The following CSMD1 variants were observed in gnomAD, a reference collection of about 807,000 sequenced individuals.
The protein encoded by CSMD1 is CUB and Sushi multiple domains 1.
A neutral mutation model predicts 417.5 loss-of-function variants in CSMD1; 213 were observed. The observed-to-expected ratio is 0.51, with a 90% confidence interval of 0.46 to 0.57. The LOEUF (loss-of-function observed/expected upper bound fraction) is 0.57, where lower values mean the gene tolerates loss of function less well. Ranked by LOEUF, CSMD1 falls within the 20% of genes least tolerant of loss-of-function variation. The probability of loss-of-function intolerance (pLI) is 0.00; values close to 1 mark genes in which losing one functional copy is unlikely to be tolerated. For synonymous variants in CSMD1, 2,862 were observed against 1,736.8 expected, an observed-to-expected ratio of 1.65 and a Z score of -16.11; for missense variants, 6,923 against 4,529.7, an observed-to-expected ratio of 1.53 and a Z score of -15.17.
chr8:4,114,434 G>C (rs1411522773), intron 3 of CSMD1, among the ~76,000 whole-genome samples: 1 of 152,196 alleles, frequency 6.6e-6, no homozygotes, highest in Non-Finnish European at 1.5e-5. Flanking sequence ...AACACAGGTG[G>C]TTACGGAAGA....
chr8:3,712,650 G>A (rs766268333), intron 6 of CSMD1, among the ~76,000 whole-genome samples: 5 of 152,084 alleles, frequency 3.3e-5, no homozygotes, highest in Admixed American at 1.3e-4. Flanking sequence ...CACAATCTTC[G>A]GAGGTGAGCT....
intron 5 of CSMD1, among the ~76,000 whole-genome samples, chr8:3,994,630 A>T (rs1563296313): frequency 6.6e-6 from 1 of 152,146 alleles, no homozygotes; most frequent in African/African-American, 2.4e-5. Flanking sequence ...AGTTAAAAAA[A>T]AAAGTCAGTT....
chr8:4,994,513 C>A lies in CSMD1; in HGVS notation c.-97G>T. ...AATAATCACCCGAGGGCAAGGCGAG[C>A]CGGAGAGAGAGCCCGGTCCCAAGAC... On this transcript the variant is annotated 5_prime_UTR_variant, in exon 1 of 70. Coordinates refer to ENST00000635120, the MANE Select transcript of CSMD1 (RefSeq NM_033225.6). 3 of 1,140,228 alleles carry A rather than the reference C, an allele frequency of 2.6e-6. No homozygotes were observed. Among genetic ancestry groups the A allele is most frequent in the Admixed American group, 2.0e-5 (1 of 49,890 alleles). The allele number at this position is 1,140,228 out of a possible 1,614,324, so 70.6% of individuals were successfully genotyped here.
intron 12 of CSMD1, among the ~76,000 whole-genome samples, chr8:3,413,680 C>G (rs1221936686): frequency 6.6e-6 from 1 of 152,144 alleles, no homozygotes; most frequent in East Asian, 1.9e-4. Context: ...CTACTGCCTC[C>G]AAATTATGGT....
At chr8:3,712,698 A>G (rs1010462195) in intron 6 of CSMD1, among the ~76,000 whole-genome samples, 15 of 152,164 alleles carry the variant, frequency 9.9e-5, no homozygotes, top group Admixed American at 9.2e-4. Flanking sequence ...TAGTTTTCAT[A>G]TGAGTTTCTG....
At chr8:3,593,345 A>C (rs1800945547) in intron 8 of CSMD1, among the ~76,000 whole-genome samples, 1 of 152,152 alleles carries the variant, frequency 6.6e-6, no homozygotes, top group Non-Finnish European at 1.5e-5. Context: ...TGCTTCATAG[A>C]GTCTGGAGAA....
At chr8:4,922,008 C>T (rs765988757) in intron 1 of CSMD1, among the ~76,000 whole-genome samples, 2 of 152,112 alleles carry the variant, frequency 1.3e-5, no homozygotes, top group African/African-American at 2.4e-5. Flanking sequence ...CAATTTCCTT[C>T]CTATGAAAAG....
intron 4 of CSMD1, among the ~76,000 whole-genome samples, chr8:4,019,704 A>G (rs1005936600): frequency 1.3e-5 from 2 of 152,056 alleles, no homozygotes; most frequent in African/African-American, 2.4e-5. Context: ...TTTGTCAGTT[A>G]TTTACATGCA....
At chr8:4,426,789 A>C (rs1670688204) in intron 2 of CSMD1, among the ~76,000 whole-genome samples, 1 of 148,824 alleles carries the variant, frequency 6.7e-6, no homozygotes. Context: ...ATGATATTAT[A>C]TAATATAGAA....
chr8:3,523,735 A>ACAC (rs1797616873), intron 10 of CSMD1, among the ~76,000 whole-genome samples: 1 of 151,706 alleles, frequency 6.6e-6, no homozygotes. Context: ...GCACACTCAG[A>ACAC]GACACATGCA....
chr8:3,780,412 A>G (rs1228203317), intron 5 of CSMD1, among the ~76,000 whole-genome samples: 1 of 152,212 alleles, frequency 6.6e-6, no homozygotes, highest in African/African-American at 2.4e-5. Flanking sequence ...AGCACACATT[A>G]TCAACACTGC....
chr8:3,844,094 C>T (rs769507081), intron 5 of CSMD1, among the ~76,000 whole-genome samples: 9 of 152,068 alleles, frequency 5.9e-5, no homozygotes, highest in Non-Finnish European at 8.8e-5. Context: ...CTAAACCTGC[C>T]CCTCCTACCA....
chr8:3,738,804 T>C (rs1340516517), intron 6 of CSMD1, among the ~76,000 whole-genome samples: 1 of 152,188 alleles, frequency 6.6e-6, no homozygotes, highest in Non-Finnish European at 1.5e-5. Flanking sequence ...ACAGATAGGC[T>C]CACACGCGTG....
intron 1 of CSMD1, among the ~76,000 whole-genome samples, chr8:4,688,504 G>A (rs551629192): frequency 5.3e-5 from 8 of 152,196 alleles, no homozygotes; most frequent in African/African-American, 7.2e-5. Context: ...AAAATGCATT[G>A]AACTTCATTA....
Position 4,653,346 on chromosome 8 carries a change from G to C in CSMD1, c.86-15788C>G, listed in dbSNP as rs956735731. 5.3e-5 allele frequency among the ~76,000 whole-genome samples: 8 copies of C among 152,136 alleles called. No individual in the cohort carries two copies. In the East Asian group the frequency reaches 9.7e-4, roughly 18 times the overall value. On this transcript the variant is annotated intron_variant, in intron 1 of 69. Transcript: ENST00000635120. ...TAGAAGTTTAAGTAGACTCAAGTAGGTCATGGCTATCTTTCCGTGCTGCAG... is the reference window on the plus strand; with the variant it reads ...TAGAAGTTTAAGTAGACTCAAGTAGCTCATGGCTATCTTTCCGTGCTGCAG...
At chr8:4,014,582 T>C (rs1182813679) in intron 4 of CSMD1, among the ~76,000 whole-genome samples, 1 of 152,210 alleles carries the variant, frequency 6.6e-6, no homozygotes, top group African/African-American at 2.4e-5. Context: ...TCTCATCTAA[T>C]CTTTATCACT....
At chr8:3,612,948 T>C (rs1275414163) in intron 8 of CSMD1, among the ~76,000 whole-genome samples, 1 of 152,032 alleles carries the variant, frequency 6.6e-6, no homozygotes, top group Non-Finnish European at 1.5e-5. Context: ...ATCAATGAAA[T>C]TGAAGAGAAA....
intron 42 of CSMD1, among the ~76,000 whole-genome samples, chr8:3,113,786 G>A (rs540069960): frequency 1.3e-5 from 2 of 152,340 alleles, no homozygotes; most frequent in African/African-American, 2.4e-5. Flanking sequence ...ATCAACTGGG[G>A]GGTTGGCACA....
At chr8:3,461,258 C>G (rs778991114) in intron 12 of CSMD1, among the ~76,000 whole-genome samples, 22 of 152,220 alleles carry the variant, frequency 1.4e-4, no homozygotes, top group Non-Finnish European at 2.6e-4. Flanking sequence ...CCTGGCATTC[C>G]TGCCACAGAC....
Sources: allele counts gnomAD v4.1 joint callset (sites outside exome capture counted in the v4.1 genomes callset), GRCh38; gene constraint gnomAD v4.1.1; transcripts MANE v1.5; gene names NCBI Gene and HGNC (gene_info 2026-07-23, HGNC 2026-07-21).